Variants in KLHL6 observed in about 807,000 individuals in gnomAD.
KLHL6 encodes the protein kelch-like protein 6.
In KLHL6, 41 loss-of-function variants were observed where a neutral mutation model predicts 58.6. The observed-to-expected ratio is 0.70, with a 90% CI of 0.55 to 0.91. The LOEUF (loss-of-function observed/expected upper bound fraction) is 0.91, where lower values mean the gene tolerates loss of function less well. KLHL6 is among the 40% of genes least tolerant of loss of function. The pLI, the probability that KLHL6 is intolerant of heterozygous loss-of-function variation, is 0.00. For synonymous variants in KLHL6, 338 were observed against 322.7 expected (o/e 1.05, Z -0.51); for missense variants, 714 against 805.6 (o/e 0.89, Z 1.38).
rs146293695 is a variant in KLHL6, at chr3:183,527,723, C to CGT, written c.459+120_459+121dup. Reference sequence around the variant, plus strand: ...GCGTGTGTGTGTGTGTGTTTGTGTGCGTGTGTGTGTGTGTGTCCATGTCCC... The same window carrying CGT: ...GCGTGTGTGTGTGTGTGTTTGTGTGCGTGTGTGTGTGTGTGTGTCCATGTCCC... On this transcript the variant is annotated intron_variant, in intron 2 of 6. Coordinates refer to ENST00000341319, the MANE Select transcript of KLHL6 (RefSeq NM_130446.4). 379 of 689,160 alleles carry CGT rather than the reference C, an allele frequency of 5.5e-4. 2 individuals carry two copies. Among genetic ancestry groups the CGT allele is most frequent in the African/African-American group, 3.5e-3 (191 of 54,876 alleles). 42.7% of individuals were successfully genotyped at this position (689,160 alleles called of 1,614,324 possible).
chr3:183,526,997 G>T (rs1414062401), intron 2 of KLHL6, among the ~76,000 whole-genome samples: 1 of 151,950 alleles, frequency 6.6e-6, no homozygotes, highest in East Asian at 1.9e-4. Context: ...TACTTGGGAG[G>T]CTAGGGCAGG....
chr3:183,540,122 G>C (rs1319399654), intron 1 of KLHL6, among the ~76,000 whole-genome samples: 2 of 152,152 alleles, frequency 1.3e-5, no homozygotes, highest in African/African-American at 4.8e-5. Context: ...CACAATGATT[G>C]GTTCAGGGAT....
At chr3:183,498,759 C>T (rs1160793638) in intron 4 of KLHL6, among the ~76,000 whole-genome samples, 1 of 152,118 alleles carries the variant, frequency 6.6e-6, no homozygotes, top group African/African-American at 2.4e-5. Flanking sequence ...ATAGTGTTGC[C>T]CCTCATGGAA....
intron 1 of KLHL6, chr3:183,552,340 A>G (rs961176855): frequency 7.2e-5 from 11 of 152,204 alleles, no homozygotes; most frequent in Non-Finnish European, 1.3e-4. Context: ...GAAAGTAATT[A>G]TTTTCTCAGT....
chr3:183,517,404 G>T (rs1030279530), intron 2 of KLHL6, among the ~76,000 whole-genome samples: 1 of 152,118 alleles, frequency 6.6e-6, no homozygotes, highest in Non-Finnish European at 1.5e-5. Flanking sequence ...CTCCGTTCCC[G>T]TGGCAGTATG....
chr3:183,555,393 G>T lies in KLHL6; in HGVS notation c.261C>A (p.Arg87=), dbSNP rs150224488. The change falls in exon 1 of 7, where the codon CGC becomes CGA. Residue 87 remains arginine, a synonymous_variant. Coordinates refer to ENST00000341319, the MANE Select transcript of KLHL6 (RefSeq NM_130446.4). ...AGTTGCTGGCTGCGGCAAGCACCAC[G>T]CGGTGGCAGGAGAATTCCTGAATGT... ...CVDIQEFSCH[R]VVLAAASNYF... is the part of the protein sequence containing the mutation. 12 of 1,613,982 alleles carry T rather than the reference G, an allele frequency of 7.4e-6. No individual in the cohort carries two copies. The highest frequency in any genetic ancestry group is 1.0e-5 in the Non-Finnish European group (12 of 1,180,008).
chr3:183,500,789 C>A (rs985361874), intron 3 of KLHL6, among the ~76,000 whole-genome samples: 1 of 152,128 alleles, frequency 6.6e-6, no homozygotes, highest in Non-Finnish European at 1.5e-5. Flanking sequence ...AGGCAGCAAC[C>A]GTTTCCCAGA....
At chr3:183,543,803 TC>T (rs1406494816) in intron 1 of KLHL6, among the ~76,000 whole-genome samples, 1 of 152,226 alleles carries the variant, frequency 6.6e-6, no homozygotes, top group Admixed American at 6.5e-5. Context: ...TTATTGTAGA[TC>T]CCAGAGCATC....
At chr3:183,539,352 C>T (rs1266499166) in intron 1 of KLHL6, among the ~76,000 whole-genome samples, 4 of 152,172 alleles carry the variant, frequency 2.6e-5, no homozygotes, top group Admixed American at 1.3e-4. Context: ...TCCAAACTGA[C>T]AGAGGAGCTG....
At chr3:183,547,069 G>A (rs1712747311) in intron 1 of KLHL6, among the ~76,000 whole-genome samples, 1 of 152,248 alleles carries the variant, frequency 6.6e-6, no homozygotes, top group South Asian at 2.1e-4. Context: ...ACGCCACCGT[G>A]CCTGGCTAAT....
rs142474298 is a variant in KLHL6 at position 183,536,233 on chromosome 3, A to G, written c.294-8223T>C. 6.0e-3 allele frequency among the ~76,000 whole-genome samples: 915 copies of G among 152,312 alleles called. 11 individuals are homozygous for G. The highest frequency in any genetic ancestry group is 0.019 in the African/African-American group (799 of 41,566). The stretch of plus-strand genomic sequence containing the variant: ...GGGGGGGAGGAAGCCCAGCAAGACA[A>G]AAGTCATGCAAAAAGTGGCTTCAGC... On this transcript the variant is annotated intron_variant, in intron 1 of 6. Coordinates refer to ENST00000341319, the MANE Select transcript of KLHL6 (RefSeq NM_130446.4).
At chr3:183,514,404 C>T (rs1711507059) in intron 2 of KLHL6, among the ~76,000 whole-genome samples, 1 of 152,088 alleles carries the variant, frequency 6.6e-6, no homozygotes, top group South Asian at 2.1e-4. Context: ...CTGGAGCTGC[C>T]CTGTTGCAGT....
intron 2 of KLHL6, among the ~76,000 whole-genome samples, chr3:183,525,150 G>T (rs1430928246): frequency 6.6e-6 from 1 of 152,060 alleles, no homozygotes; most frequent in Non-Finnish European, 1.5e-5. Flanking sequence ...TGTAATCCCA[G>T]CTACTCGGGA....
intron 1 of KLHL6, among the ~76,000 whole-genome samples, chr3:183,553,631 T>C (rs1471145973): frequency 6.6e-6 from 1 of 152,226 alleles, no homozygotes; most frequent in Non-Finnish European, 1.5e-5. Flanking sequence ...TGGCTGTGTT[T>C]ACACTTTATA....
chr3:183,546,169 G>A (rs1239996876), intron 1 of KLHL6, among the ~76,000 whole-genome samples: 2 of 152,250 alleles, frequency 1.3e-5, no homozygotes, highest in African/African-American at 2.4e-5. Context: ...GCAGGGAGCA[G>A]AGGAGTGAAC....
intron 1 of KLHL6, among the ~76,000 whole-genome samples, chr3:183,534,073 C>CCTTTAATAGTACTTTACTTTTAAAGTA (rs1712247929): frequency 2.6e-5 from 1 of 38,854 alleles, no homozygotes; most frequent in Non-Finnish European, 4.7e-5. Context: ...TAATCACCAG[C>CCTTTAATAGTACTTTACTTTTAAAGTA]CTTTAAAAGT....
intron 5 of KLHL6, 116 bp downstream of exon 5, chr3:183,493,963 C>T: frequency 1.1e-6 from 1 of 915,790 alleles, no homozygotes; most frequent in East Asian, 2.4e-5. Flanking sequence ...AAACTGTTCT[C>T]CTTGGAAGTA....
Position 183,555,669 on chromosome 3 carries a change from G to A in KLHL6, c.-16C>T, listed in dbSNP as rs771667264. ...CCATCAACATCGAGACTGAAGGAGC[G>A]CCCAAGTGTCAGGCAGGCCCCATTG... On this transcript the variant is annotated 5_prime_UTR_variant, in exon 1 of 7. Coordinates refer to ENST00000341319, the MANE Select transcript of KLHL6 (RefSeq NM_130446.4). 76 of 1,562,874 alleles carry A rather than the reference G, an allele frequency of 4.9e-5. No homozygotes were observed. Among genetic ancestry groups the A allele is most frequent in the Non-Finnish European group, 6.0e-5 (70 of 1,157,196 alleles).
chr3:183,526,206 G>T (rs897235524), intron 2 of KLHL6, among the ~76,000 whole-genome samples: 1 of 152,180 alleles, frequency 6.6e-6, no homozygotes, highest in South Asian at 2.1e-4. Flanking sequence ...AGCTACTCGG[G>T]AGGCTGAGGC....
Sources: gnomAD v4.1 joint callset for allele counts (sites outside exome capture counted in the v4.1 genomes callset) on GRCh38, gnomAD v4.1.1 for gene constraint, MANE v1.5 for transcripts, NCBI Gene and HGNC (gene_info 2026-07-23, HGNC 2026-07-21) for gene names.